The following RELN variants were observed in gnomAD, a reference collection of about 807,000 sequenced individuals.
The protein encoded by RELN is reelin.
In RELN, 108 loss-of-function variants were observed where a neutral mutation model predicts 427.6. The ratio of observed to expected loss-of-function variants is 0.25; its 90% CI spans 0.22 to 0.30. The LOEUF is 0.30. RELN is among the 10% of genes least tolerant of loss of function. The pLI, the probability that RELN is intolerant of heterozygous loss-of-function variation, is 1.00. For synonymous variants in RELN, 1,524 were observed against 1,513.4 expected, an observed-to-expected ratio of 1.01 and a Z score of -0.16; for missense variants, 3,715 against 4,302.8, an observed-to-expected ratio of 0.86 and a Z score of 3.82.
intron 2 of RELN, among the ~76,000 whole-genome samples, chr7:103,873,051 C>T (rs568817955): frequency 6.6e-6 from 1 of 151,718 alleles, no homozygotes; most frequent in African/African-American, 2.4e-5. Context: ...ATTAAGAATC[C>T]CACTCAAAGC....
At chr7:103,734,503 T>G (rs976985617) in intron 6 of RELN, among the ~76,000 whole-genome samples, 1 of 152,196 alleles carries the variant, frequency 6.6e-6, no homozygotes, top group South Asian at 2.1e-4. Context: ...TTAAAAGACA[T>G]TTTAAGGGAA....
chr7:103,933,189 T>A (rs1469301732), intron 1 of RELN, among the ~76,000 whole-genome samples: 1 of 152,150 alleles, frequency 6.6e-6, no homozygotes, highest in African/African-American at 2.4e-5. Flanking sequence ...ACAGCAGACA[T>A]AAACAATAGT....
At chr7:103,677,632 G>A (rs780240668) in intron 11 of RELN, among the ~76,000 whole-genome samples, 5 of 150,378 alleles carry the variant, frequency 3.3e-5, no homozygotes, top group African/African-American at 7.3e-5. Context: ...TGGGCGTGGC[G>A]GTACGTGCCT....
chr7:103,759,103 G>GA (rs753777238), intron 4 of RELN, among the ~76,000 whole-genome samples: 75 of 151,952 alleles, frequency 4.9e-4, no homozygotes, highest in Admixed American at 7.9e-4. Flanking sequence ...TTTAAAGTTT[G>GA]AAAAAAATAG....
chr7:103,718,875 G>T (rs918009329), intron 8 of RELN, among the ~76,000 whole-genome samples: 1 of 152,090 alleles, frequency 6.6e-6, no homozygotes, highest in African/African-American at 2.4e-5. Context: ...GATGTAAGAG[G>T]TAAGCTAAAT....
chr7:103,888,359 C>A (rs1201430346), intron 2 of RELN, among the ~76,000 whole-genome samples: 1 of 152,058 alleles, frequency 6.6e-6, no homozygotes, highest in Admixed American at 6.6e-5. Flanking sequence ...CCCCACCTTA[C>A]CAGGCAACTT....
At chr7:103,582,234 C>A (rs531480351) in intron 28 of RELN, among the ~76,000 whole-genome samples, 1 of 152,252 alleles carries the variant, frequency 6.6e-6, no homozygotes, top group African/African-American at 2.4e-5. Flanking sequence ...CACTTTTGGA[C>A]CAGTATATGA....
intron 21 of RELN, among the ~76,000 whole-genome samples, chr7:103,611,355 T>C (rs1831950418): frequency 6.6e-6 from 1 of 152,182 alleles, no homozygotes. Context: ...CAAAACATCA[T>C]TTGAGGGTAG....
intron 6 of RELN, among the ~76,000 whole-genome samples, chr7:103,739,338 A>G (rs188648777): frequency 6.6e-6 from 1 of 152,226 alleles, no homozygotes; most frequent in African/African-American, 2.4e-5. Context: ...GGTCCCTTAC[A>G]TTCTTCTGAA....
chr7:103,697,852 C>T lies in RELN; in HGVS notation c.1143+1G>A. The T allele has an allele frequency of 6.2e-7, 1 of 1,613,550 alleles. No individual in the cohort carries two copies. The highest frequency in any genetic ancestry group is 8.5e-7 in the Non-Finnish European group (1 of 1,179,694). On this transcript the variant is annotated splice_donor_variant, in intron 10 of 64. Transcript: ENST00000428762. LOFTEE classifies it high-confidence loss of function. ...ACCCAAAAACTAAAAAGAGCTCTAA[C>T]CTTAACTGTAGCTCCTGGGAAGAAA...
chr7:103,486,056 T>A, intron 61 of RELN, 141 bp downstream of exon 61: 1 of 775,358 alleles, frequency 1.3e-6, no homozygotes, highest in Admixed American at 2.0e-5. Flanking sequence ...TATGCTTCCT[T>A]GTCCCAAATT....
rs1830689635 is a variant in RELN, at chr7:103,563,835, TATGTTACA to T, written c.5210+1435_5210+1442del. Among the ~76,000 whole-genome samples the T allele has an allele frequency of 6.6e-6, 1 of 152,232 alleles. No homozygotes were observed. Among genetic ancestry groups the T allele is most frequent in the Non-Finnish European group, 1.5e-5 (1 of 68,034 alleles). On this transcript the variant is annotated intron_variant, in intron 34 of 64. Coordinates refer to ENST00000428762, the MANE Select transcript of RELN (RefSeq NM_005045.4). The surrounding 1 kb of genome is among the most constrained non-coding windows in gnomAD (Gnocchi z 4.1). The stretch of plus-strand genomic sequence containing the variant: ...GTTTAGATATACAAATACTTGGAAT[TATGTTACA>T]ATTGCTTACAGTATTTAGTATAGCA...
chr7:103,850,854 C>A (rs1198439093), intron 2 of RELN, among the ~76,000 whole-genome samples: 1 of 152,114 alleles, frequency 6.6e-6, no homozygotes, highest in Non-Finnish European at 1.5e-5. Context: ...GGTATGGATG[C>A]AGTGTACAGG....
rs551442602 is a variant in RELN at position 103,620,721 on chromosome 7, G to A, written c.2703-8918C>T. ...ACTCCTGACCTCAAGTGATCTGCCC[G>A]CCTCAGCCTCCCAAAGTGCTGGGAT... On this transcript the variant is annotated intron_variant, in intron 20 of 64. Coordinates refer to ENST00000428762, the MANE Select transcript of RELN (RefSeq NM_005045.4). This position sits in a 1 kb window ranked among gnomAD's most constrained non-coding sequence, Gnocchi z 4.1. Among the ~76,000 whole-genome samples, 64 of 152,158 alleles carry A rather than the reference G, an allele frequency of 4.2e-4. No individual in the cohort carries two copies. The highest frequency in any genetic ancestry group is 1.5e-3 in the African/African-American group (62 of 41,536).
intron 8 of RELN, among the ~76,000 whole-genome samples, chr7:103,710,606 C>A (rs1400437369): frequency 6.6e-6 from 1 of 152,090 alleles, no homozygotes; most frequent in Non-Finnish European, 1.5e-5. Flanking sequence ...TATAGTGATT[C>A]TAAAAATCTA....
intron 63 of RELN, among the ~76,000 whole-genome samples, chr7:103,479,212 T>C (rs1828142209): frequency 6.6e-6 from 1 of 152,268 alleles, no homozygotes; most frequent in African/African-American, 2.4e-5. Context: ...GAAGTATGAG[T>C]GCCCAACAAA....
intron 8 of RELN, among the ~76,000 whole-genome samples, chr7:103,710,678 G>C (rs1343704612): frequency 6.6e-6 from 1 of 152,230 alleles, no homozygotes; most frequent in Non-Finnish European, 1.5e-5. Flanking sequence ...GATCTAACAA[G>C]CTAGAGGCAG....
chr7:103,486,835 G>GACACATTGTAC (rs1251884424), intron 60 of RELN, among the ~76,000 whole-genome samples: 3 of 152,332 alleles, frequency 2.0e-5, no homozygotes, highest in Non-Finnish European at 4.4e-5. Context: ...AACCATTGTA[G>GACACATTGTAC]AAGACAGTGT....
intron 8 of RELN, among the ~76,000 whole-genome samples, chr7:103,715,918 T>C (rs1057275747): frequency 1.3e-5 from 2 of 152,220 alleles, no homozygotes; most frequent in Non-Finnish European, 2.9e-5. Context: ...AGGGCCCATG[T>C]AAACTACACC....
Sources: gnomAD v4.1 joint callset for allele counts (sites outside exome capture counted in the v4.1 genomes callset) on GRCh38, gnomAD v4.1.1 for gene constraint, Gnocchi (gnomAD v3.1) non-coding constraint, MANE v1.5 for transcripts, NCBI Gene and HGNC (gene_info 2026-07-23, HGNC 2026-07-21) for gene names.